The following FBXO25 variants were observed in gnomAD, a reference collection of about 807,000 sequenced individuals.
FBXO25 encodes the protein F-box protein 25.
Under a neutral mutation model 51.9 loss-of-function variants are expected in FBXO25, and 45 were observed. That is an observed-to-expected ratio of 0.87 (90% confidence interval 0.68 to 1.11). FBXO25 has a LOEUF of 1.11. Ranked by LOEUF, FBXO25 falls within the 50% of genes most tolerant of loss-of-function variation. The probability of loss-of-function intolerance (pLI) is 0.00; values close to 1 mark genes in which losing one functional copy is unlikely to be tolerated. For missense variants in FBXO25, 507 were observed against 428.5 expected, an observed-to-expected ratio of 1.18 and a Z score of -1.62; for synonymous variants, 199 against 151.0, an observed-to-expected ratio of 1.32 and a Z score of -2.33.
intron 2 of FBXO25, among the ~76,000 whole-genome samples, chr8:431,050 T>TA (rs1373998408): frequency 2.0e-5 from 3 of 152,284 alleles, no homozygotes; most frequent in East Asian, 1.9e-4. Context: ...AGTTGTTTTT[T>TA]AAAAAAATCT....
In FBXO25 at chr8:471,882, G is replaced by A. The variant is rs746692125; in HGVS notation, c.*3078G>A. ...CACAGCAAACTGTGTCTACTTTATG[G>A]AAAAAATTTAACCATCTGTGAACAG... On this transcript the variant is annotated 3_prime_UTR_variant, in exon 10 of 10. Transcript: ENST00000350302. The A allele has an allele frequency of 1.2e-4, 19 of 152,154 alleles. No homozygotes were observed. Among genetic ancestry groups the A allele is most frequent in the African/African-American group, 4.8e-5 (2 of 41,436 alleles). The allele number at this position is 152,154 out of a possible 1,614,324, so 9.4% of individuals were successfully genotyped here. A position where few individuals can be genotyped will look rare whatever the true frequency, so the allele number is the denominator to read the frequency against.
chr8:416,963 A>G (rs1796842363), intron 2 of FBXO25, among the ~76,000 whole-genome samples: 1 of 152,218 alleles, frequency 6.6e-6, no homozygotes, highest in Non-Finnish European at 1.5e-5. Context: ...AGTGGCCTCT[A>G]AGAAGCAATC....
chr8:410,090 C>T (rs145571235), intron 1 of FBXO25, among the ~76,000 whole-genome samples: 139 of 152,284 alleles, frequency 9.1e-4, no homozygotes, highest in Non-Finnish European at 1.5e-3. Context: ...GGGCGAAGAT[C>T]GAGTCCTAGT....
intron 7 of FBXO25, among the ~76,000 whole-genome samples, chr8:456,157 A>C (rs960533953): frequency 6.6e-6 from 1 of 152,212 alleles, no homozygotes; most frequent in Non-Finnish European, 1.5e-5. Context: ...TTCTTGTGAG[A>C]GTGTTAGACT....
chr8:458,672 C>T, intron 8 of FBXO25, 121 bp downstream of exon 8: 1 of 897,554 alleles, frequency 1.1e-6, no homozygotes, highest in Non-Finnish European at 1.7e-6. Flanking sequence ...TTTAAAGAAC[C>T]AGGAACAATC....
chr8:475,301 A>T lies in FBXO25; in HGVS notation c.*6497A>T, dbSNP rs886071247. On this transcript the variant is annotated 3_prime_UTR_variant, in exon 10 of 10. Transcript: ENST00000350302. ...TTGCTATTCTGTTCCATTGGTCTAC[A>T]TGACTGTCTTTGTTTCAATACAACA... The T allele has an allele frequency of 5.4e-6, 1 of 185,642 alleles. No individual in the cohort carries two copies. Among genetic ancestry groups the T allele is most frequent in the East Asian group, 1.6e-4 (1 of 6,392 alleles). 11.5% of individuals were successfully genotyped at this position (185,642 alleles called of 1,614,324 possible).
intron 5 of FBXO25, among the ~76,000 whole-genome samples, chr8:446,857 C>T (rs544334605): frequency 3.5e-4 from 53 of 152,128 alleles, no homozygotes; most frequent in South Asian, 1.5e-3. Context: ...ATTTGTGGCT[C>T]AGTATGTGAC....
At chr8:464,888 G>GT (rs1379359400) in intron 9 of FBXO25, among the ~76,000 whole-genome samples, 1 of 152,290 alleles carries the variant, frequency 6.6e-6, no homozygotes, top group East Asian at 1.9e-4. Flanking sequence ...TGTGTTATGT[G>GT]TTTTTGCAGT....
At position 436,344 on chromosome 8, in the gene FBXO25, C is replaced by G. The variant is rs192837738; in HGVS notation, c.381+637C>G. The stretch of plus-strand genomic sequence containing the variant: ...AAAATAGAAGCTATAGTTTATGAAG[C>G]TATTAATTTTGTGTTTCTAATGGTT... On this transcript the variant is annotated intron_variant, in intron 5 of 9. Coordinates refer to ENST00000350302, the MANE Select transcript of FBXO25 (RefSeq NM_183420.2). Among the ~76,000 whole-genome samples, 1,223 of 152,160 alleles carry G rather than the reference C, an allele frequency of 8.0e-3. 16 individuals carry two copies. Among genetic ancestry groups the G allele is most frequent in the African/African-American group, 0.028 (1,178 of 41,502 alleles).
Position 477,506 on chromosome 8 carries a change from A to G in FBXO25, c.*8702A>G, listed in dbSNP as rs1800679477. ...TTTTAAATTTCAACATGAAGATGAA[A>G]TTATAGGATGTCTGGGATTTCCTTT... On this transcript the variant is annotated 3_prime_UTR_variant, in exon 10 of 10. Transcript: ENST00000350302. 1 of 152,244 alleles carries G rather than the reference A, an allele frequency of 6.6e-6. No homozygotes were observed. The highest frequency in any genetic ancestry group is 1.5e-5 in the Non-Finnish European group (1 of 68,046). The allele number at this position is 152,244 out of a possible 1,614,324, so 9.4% of individuals were successfully genotyped here.
At chr8:433,198 G>A (rs1382748336) in intron 4 of FBXO25, among the ~76,000 whole-genome samples, 1 of 152,182 alleles carries the variant, frequency 6.6e-6, no homozygotes, top group African/African-American at 2.4e-5. Context: ...GTGTATGTGT[G>A]TGGTATATAT....
At position 449,089 on chromosome 8, in the gene FBXO25, A is replaced by C. The variant is rs1798913413; in HGVS notation, c.382-901A>C. Reference sequence around the variant, plus strand: ...CATAACCTGAAGGCTGGTAAAAGTAAAAGATTTCAGATTGAATCAAAAAGT... The same window carrying C: ...CATAACCTGAAGGCTGGTAAAAGTACAAGATTTCAGATTGAATCAAAAAGT... On this transcript the variant is annotated intron_variant, in intron 5 of 9. Transcript: ENST00000350302. 2.0e-5 allele frequency among the ~76,000 whole-genome samples: 3 copies of C among 149,738 alleles called. No homozygotes were observed. In the South Asian group the frequency reaches 6.3e-4, roughly 32 times the overall value.
intron 2 of FBXO25, among the ~76,000 whole-genome samples, chr8:414,544 T>TC (rs1314988960): frequency 6.6e-6 from 1 of 152,212 alleles, no homozygotes; most frequent in Non-Finnish European, 1.5e-5. Context: ...TTTGTTTTTT[T>TC]CCCTCATGTA....
intron 9 of FBXO25, chr8:467,955 A>C (rs921647367): frequency 5.0e-6 from 7 of 1,408,408 alleles, no homozygotes; most frequent in Non-Finnish European, 4.6e-6. Context: ...TTGCAGAACA[A>C]CACCTGAGTG....
At chr8:419,886 C>A (rs995452386) in intron 2 of FBXO25, among the ~76,000 whole-genome samples, 3 of 151,950 alleles carry the variant, frequency 2.0e-5, no homozygotes, top group African/African-American at 7.3e-5. Context: ...GGGTTAGTAT[C>A]CAGAATAATA....
Position 476,967 on chromosome 8 carries a change from C to T in FBXO25, c.*8163C>T, listed in dbSNP as rs1232873745. The T allele has an allele frequency of 6.8e-6, 1 of 147,620 alleles. No individual in the cohort carries two copies. The highest frequency in any genetic ancestry group is 1.5e-5 in the Non-Finnish European group (1 of 67,622). 9.1% of individuals were successfully genotyped at this position (147,620 alleles called of 1,614,324 possible). A position where few individuals can be genotyped will look rare whatever the true frequency, so the allele number is the denominator to read the frequency against. ...AATTTCCCTCCTACCACTGCTTTGA[C>T]TGTACCTGTTTTTTTGTATATTACA... On this transcript the variant is annotated 3_prime_UTR_variant, in exon 10 of 10. Transcript: ENST00000350302.
intron 5 of FBXO25, among the ~76,000 whole-genome samples, chr8:436,511 C>T (rs1011819686): frequency 5.3e-5 from 8 of 152,154 alleles, no homozygotes; most frequent in Admixed American, 2.0e-4. Flanking sequence ...AGCAGAATTT[C>T]CAGGGCTGCT....
At chr8:443,968 C>A (rs1448822169) in intron 5 of FBXO25, among the ~76,000 whole-genome samples, 1 of 152,216 alleles carries the variant, frequency 6.6e-6, no homozygotes, top group Non-Finnish European at 1.5e-5. Flanking sequence ...TCCCCCTGCT[C>A]TTCAGGTCTG....
rs563865812 is a variant in FBXO25 at position 423,011 on chromosome 8, C to T, written c.135-8330C>T. On this transcript the variant is annotated intron_variant, in intron 2 of 9. Coordinates refer to ENST00000350302, the MANE Select transcript of FBXO25 (RefSeq NM_183420.2). Reference sequence around the variant, plus strand: ...ATTTGGAATTTATCTTGGAGCATGACGTGAGGAACAAATCTGTTTGTGTCT... The same window carrying T: ...ATTTGGAATTTATCTTGGAGCATGATGTGAGGAACAAATCTGTTTGTGTCT... Among the ~76,000 whole-genome samples, 17 of 152,292 alleles carry T rather than the reference C, an allele frequency of 1.1e-4. No individual in the cohort carries two copies. In the South Asian group the frequency reaches 3.3e-3, roughly 30 times the overall value.
Sources: allele counts gnomAD v4.1 joint callset (sites outside exome capture counted in the v4.1 genomes callset), GRCh38; gene constraint gnomAD v4.1.1; transcripts MANE v1.5; gene names NCBI Gene and HGNC (gene_info 2026-07-23, HGNC 2026-07-21).